Variants in BNC2 observed in about 807,000 individuals in gnomAD.
BNC2 encodes the protein zinc finger protein basonuclin-2.
A neutral mutation model predicts 76.3 loss-of-function variants in BNC2; 20 were observed. The observed-to-expected ratio is 0.26, with a 90% CI of 0.18 to 0.38. The LOEUF is 0.38. Among genes scored for constraint, BNC2 ranks in the 10% least tolerant of loss-of-function variants. The probability of loss-of-function intolerance (pLI) is 1.00; values close to 1 mark genes in which losing one functional copy is unlikely to be tolerated. For missense variants in BNC2, 1,382 were observed against 1,399.8 expected (o/e 0.99, Z 0.20); for synonymous variants, 582 against 514.8 (o/e 1.13, Z -1.77).
chr9:16,579,581 C>G (rs1464936991), intron 4 of BNC2, among the ~76,000 whole-genome samples: 1 of 152,144 alleles, frequency 6.6e-6, no homozygotes, highest in Non-Finnish European at 1.5e-5. Context: ...ACACCACACC[C>G]AGCTTTTAAT....
intron 5 of BNC2, among the ~76,000 whole-genome samples, chr9:16,491,372 A>G (rs530365623): frequency 2.0e-5 from 3 of 152,338 alleles, no homozygotes; most frequent in Admixed American, 2.0e-4. Context: ...AGGCCACTCA[A>G]ATGAAGAGGA....
chr9:16,520,418 A>G (rs957897914), intron 5 of BNC2, among the ~76,000 whole-genome samples: 1 of 152,192 alleles, frequency 6.6e-6, no homozygotes, highest in Non-Finnish European at 1.5e-5. Context: ...AAAATCGAGA[A>G]GGAAAGGAAC....
chr9:16,464,105 A>G (rs1163476024), intron 5 of BNC2, among the ~76,000 whole-genome samples: 1 of 151,678 alleles, frequency 6.6e-6, no homozygotes, highest in African/African-American at 2.4e-5. Context: ...AAAAAAAAAA[A>G]AAAAAAAAGA....
intron 5 of BNC2, among the ~76,000 whole-genome samples, chr9:16,447,045 T>C (rs759902251): frequency 6.6e-6 from 1 of 152,190 alleles, no homozygotes; most frequent in Non-Finnish European, 1.5e-5. Context: ...AAAGTATTTT[T>C]CAAGTTACCT....
intron 3 of BNC2, among the ~76,000 whole-genome samples, chr9:16,671,578 G>A (rs1395336551): frequency 6.6e-6 from 1 of 152,080 alleles, no homozygotes; most frequent in East Asian, 1.9e-4. Flanking sequence ...ATCAGCTCTG[G>A]TCCTATGCAT....
chr9:16,624,000 A>G (rs1820929188), intron 3 of BNC2, among the ~76,000 whole-genome samples: 1 of 152,216 alleles, frequency 6.6e-6, no homozygotes, highest in Admixed American at 6.5e-5. Flanking sequence ...ATTAAGTTTT[A>G]GCCTAGTCAA....
intron 3 of BNC2, among the ~76,000 whole-genome samples, chr9:16,658,641 G>A (rs781316049): frequency 1.3e-5 from 2 of 152,040 alleles, no homozygotes; most frequent in Non-Finnish European, 2.9e-5. Flanking sequence ...AAGATCATAG[G>A]TCTTATAAGC....
At position 16,471,059 on chromosome 9, in the gene BNC2, G is replaced by A. The variant is rs970363508; in HGVS notation, c.670-33535C>T. On this transcript the variant is annotated intron_variant, in intron 5 of 6. Transcript: ENST00000380672. Reference sequence around the variant, plus strand: ...TTGTCCCCTGCAAAGCCACAAGGGCGGAGCTGCCCAAGACCATGGGAACCC... The same window carrying A: ...TTGTCCCCTGCAAAGCCACAAGGGCAGAGCTGCCCAAGACCATGGGAACCC... Among the ~76,000 whole-genome samples, 16 of 152,280 alleles carry A rather than the reference G, an allele frequency of 1.1e-4. No individual in the cohort carries two copies. In the East Asian group the frequency reaches 1.2e-3, roughly 11 times the overall value.
chr9:16,454,933 A>C (rs2131126020), intron 5 of BNC2, among the ~76,000 whole-genome samples: 2 of 152,366 alleles, frequency 1.3e-5, no homozygotes, highest in South Asian at 4.1e-4. Flanking sequence ...AATTGTTTAT[A>C]GTTTTAAGGG....
At position 16,835,328 on chromosome 9, in the gene BNC2, T is replaced by C. The variant is rs111613830; in HGVS notation, c.3+35318A>G. On this transcript the variant is annotated intron_variant, in intron 1 of 6. Transcript: ENST00000380672. ...AGTAAACTCATCTAATTCTCACCAC[T>C]ACAACCCCATGAGTTAGGTACCATT... Among the ~76,000 whole-genome samples, 395 of 152,312 alleles carry C rather than the reference T, an allele frequency of 2.6e-3. 5 individuals are homozygous for C. The highest frequency in any genetic ancestry group is 3.3e-3 in the Non-Finnish European group (225 of 68,030).
At chr9:16,735,405 A>AC (rs1824636786) in intron 2 of BNC2, among the ~76,000 whole-genome samples, 1 of 151,994 alleles carries the variant, frequency 6.6e-6, no homozygotes. Context: ...TTAAAAAAAA[A>AC]AAAAAAAAAA....
intron 3 of BNC2, among the ~76,000 whole-genome samples, chr9:16,683,341 A>G (rs1183829651): frequency 2.0e-5 from 3 of 152,200 alleles, no homozygotes; most frequent in African/African-American, 7.2e-5. Context: ...AGTAAACCAG[A>G]TTTCAGGGCT....
Position 16,749,909 on chromosome 9 carries a change from G to T in BNC2, c.4-11424C>A, listed in dbSNP as rs553837830. Reference sequence around the variant, plus strand: ...GGAATGGTGAATGCAGCAGAAAACAGAAGTATTAAATTAGGGGATTTGTTT... The same window carrying T: ...GGAATGGTGAATGCAGCAGAAAACATAAGTATTAAATTAGGGGATTTGTTT... On this transcript the variant is annotated intron_variant, in intron 1 of 6. Transcript: ENST00000380672. Among the ~76,000 whole-genome samples, 629 of 152,222 alleles carry T rather than the reference G, an allele frequency of 4.1e-3. 4 individuals carry two copies. The highest frequency in any genetic ancestry group is 0.013 in the African/African-American group (550 of 41,530).
At chr9:16,870,194 G>A (rs1390090686) in intron 1 of BNC2, among the ~76,000 whole-genome samples, 1 of 151,966 alleles carries the variant, frequency 6.6e-6, no homozygotes, top group East Asian at 2.0e-4. Context: ...TCCCTCACTC[G>A]GCGGCAAGTT....
intron 3 of BNC2, among the ~76,000 whole-genome samples, chr9:16,636,633 C>T (rs1821336872): frequency 6.6e-6 from 1 of 152,120 alleles, no homozygotes; most frequent in Non-Finnish European, 1.5e-5. Context: ...GCCTACATAT[C>T]TATATGCCAT....
intron 3 of BNC2, among the ~76,000 whole-genome samples, chr9:16,589,535 A>C (rs936294791): frequency 1.8e-5 from 2 of 112,884 alleles, no homozygotes; most frequent in Non-Finnish European, 4.0e-5. Context: ...TTGAGACGGA[A>C]TCTCACTCTG....
intron 2 of BNC2, among the ~76,000 whole-genome samples, chr9:16,735,163 G>T (rs186676626): frequency 3.9e-4 from 60 of 152,240 alleles, no homozygotes; most frequent in African/African-American, 1.4e-3. Context: ...TGAATCCTTA[G>T]ACTCAAGATA....
intron 5 of BNC2, among the ~76,000 whole-genome samples, chr9:16,442,933 C>T (rs1183717017): frequency 6.6e-6 from 1 of 151,648 alleles, no homozygotes; most frequent in Non-Finnish European, 1.5e-5. Context: ...CCATGAAAAC[C>T]CGTCTCTACT....
chr9:16,757,126 A>C (rs1255971055), intron 1 of BNC2, among the ~76,000 whole-genome samples: 1 of 152,066 alleles, frequency 6.6e-6, no homozygotes. Flanking sequence ...GGGCTCTTTG[A>C]ACCTATATCC....
Sources: gnomAD v4.1 joint callset for allele counts (sites outside exome capture counted in the v4.1 genomes callset) on GRCh38, gnomAD v4.1.1 for gene constraint, MANE v1.5 for transcripts, NCBI Gene and HGNC (gene_info 2026-07-23, HGNC 2026-07-21) for gene names.